Variants in ELOVL1 observed in about 807,000 individuals in gnomAD.
The protein encoded by ELOVL1 is very long chain fatty acid elongase 1.
A neutral mutation model predicts 37.8 loss-of-function variants in ELOVL1; 10 were observed. The observed-to-expected ratio is 0.26, with a 90% CI of 0.16 to 0.45. The LOEUF is 0.45. Among genes scored for constraint, ELOVL1 ranks in the 20% least tolerant of loss-of-function variants. The probability of loss-of-function intolerance (pLI) is 1.00; values close to 1 mark genes in which losing one functional copy is unlikely to be tolerated. For synonymous variants in ELOVL1, 133 were observed against 123.8 expected (o/e 1.07, Z -0.49); for missense variants, 256 against 352.7 (o/e 0.73, Z 2.20).
At chr1:43,367,639 G>C (rs1415287412) in intron 1 of ELOVL1, 1 of 152,484 alleles carries the variant, frequency 6.6e-6, no homozygotes, top group African/African-American at 2.4e-5. Context: ...TAGGGTAGCG[G>C]GGGGAGGGAG....
chr1:43,363,824 G>T lies in ELOVL1; in HGVS notation c.*92C>A. ...CTCAGTCCTGACCACATAAGCCTTG[G>T]TCACAGGTGTAGGTGGAGAGGGCAC... is the stretch of plus-strand genomic sequence containing the variant. On this transcript the variant is annotated 3_prime_UTR_variant, in exon 8 of 8. Coordinates refer to ENST00000372458, the MANE Select transcript of ELOVL1 (RefSeq NM_022821.4). 8.3e-7 allele frequency: 1 copy of T among 1,205,608 alleles called. No individual in the cohort carries two copies. Among genetic ancestry groups the T allele is most frequent in the Non-Finnish European group, 1.2e-6 (1 of 825,074 alleles). 74.7% of individuals were successfully genotyped at this position (1,205,608 alleles called of 1,614,324 possible).
Position 43,363,934 on chromosome 1 carries a change from G to C in ELOVL1, c.822C>G (p.Ala274=). The change falls in exon 8 of 8, where the codon GCC becomes GCG. Residue 274 remains alanine (A), a synonymous_variant. Transcript: ENST00000372458. ...ATGCTTCTCAGTTGGCCTTGACCTTGGCAATACCTGGAGCTCCATTTTGCT... is the reference window on the plus strand; with the variant it reads ...ATGCTTCTCAGTTGGCCTTGACCTTCGCAATACCTGGAGCTCCATTTTGCT... ...ALQQNGAPGI[A]KVKAN is the part of the protein sequence containing the mutation. 2 of 1,613,494 alleles carry C rather than the reference G, an allele frequency of 1.2e-6. No homozygotes were observed. Among genetic ancestry groups the C allele is most frequent in the Non-Finnish European group, 1.7e-6 (2 of 1,180,046 alleles).
Position 43,364,660 on chromosome 1 carries a change from T to G in ELOVL1, c.376-13A>C, listed in dbSNP as rs777075518. 1 of 1,613,696 alleles carries G rather than the reference T, an allele frequency of 6.2e-7. No homozygotes were observed. ...GAATAAAGATCACCTGAGAGAAGAGTGAGGGAAGGGGATTCAGAACCTGGG... is the reference window on the plus strand; with the variant it reads ...GAATAAAGATCACCTGAGAGAAGAGGGAGGGAAGGGGATTCAGAACCTGGG... On this transcript the variant is annotated splice_polypyrimidine_tract_variant and intron_variant, in intron 5 of 7. Coordinates refer to ENST00000372458, the MANE Select transcript of ELOVL1 (RefSeq NM_022821.4). This position sits in a 1 kb window ranked among gnomAD's most constrained non-coding sequence, Gnocchi z 5.2.
intron 1 of ELOVL1, among the ~76,000 whole-genome samples, chr1:43,366,078 C>G (rs1037384497): frequency 3.9e-5 from 6 of 151,970 alleles, no homozygotes; most frequent in African/African-American, 1.5e-4. Context: ...CCTCTCCTGC[C>G]CTCTCCTCTT....
intron 2 of ELOVL1, 67 bp from the exon 3 acceptor site, chr1:43,365,443 T>C: frequency 6.2e-7 from 1 of 1,609,848 alleles, no homozygotes. Flanking sequence ...TTGAAGGGTC[T>C]ACAGACATGA....
rs1220053521 is a variant in ELOVL1, at chr1:43,364,884, A to G, written c.318+44T>C. The G allele has an allele frequency of 1.2e-6, 2 of 1,613,844 alleles. No individual in the cohort carries two copies. Among genetic ancestry groups the G allele is most frequent in the Non-Finnish European group, 8.5e-7 (1 of 1,179,868 alleles). On this transcript the variant is annotated intron_variant, in intron 4 of 7. Transcript: ENST00000372458. This position sits in a 1 kb window ranked among gnomAD's most constrained non-coding sequence, Gnocchi z 5.2. ...CTTGAGCACAGGCCCCAAACTGGTC[A>G]TATCTACCAGGTTGCTTATGACCTA...
Position 43,365,323 on chromosome 1 carries a change from T to C in ELOVL1, c.100A>G (p.Ile34Val), listed in dbSNP as rs750748004. 1 of 1,613,770 alleles carries C rather than the reference T, an allele frequency of 6.2e-7. No individual in the cohort carries two copies. The highest frequency in any genetic ancestry group is 2.2e-5 in the East Asian group (1 of 44,862). Residue 34 changes from isoleucine to valine, a missense_variant, in exon 3 of 8, where the codon ATT becomes GTT. Around this residue, in one of 3 missense-constraint regions of ELOVL1, gnomAD observed 158 missense variants for 189.4 expected, o/e 0.83. Transcript: ENST00000372458. ...LMGSPLLMTS[I>V]LLTYVYFVLS... is the part of the protein sequence containing the mutation. ...ACGAAGTACACGTAGGTCAGGAGAA[T>C]GGAGGTCATTAGCAAGGGGGACCCC...
Position 43,365,337 on chromosome 1 carries a change from A to G in ELOVL1, c.86T>C (p.Leu29Ser), listed in dbSNP as rs1647214173. Residue 29 changes from leucine to serine, a missense_variant, in exon 3 of 8, where the codon TTG becomes TCG. Leu to Ser is a moderately radical substitution (Grantham distance 145, BLOSUM62 -2). This residue lies in a region of ELOVL1 where 158 missense variants were observed against 189.4 expected (regional missense o/e 0.83). Coordinates refer to ENST00000372458, the MANE Select transcript of ELOVL1 (RefSeq NM_022821.4). ...GGTCAGGAGAATGGAGGTCATTAGC[A>G]AGGGGGACCCCATCAGAGGGTAGCC... is the stretch of plus-strand genomic sequence containing the variant. ...IQGYPLMGSP[L>S]LMTSILLTYV... 6.2e-7 allele frequency: 1 copy of G among 1,613,474 alleles called. No homozygotes were observed. The highest frequency in any genetic ancestry group is 1.3e-5 in the African/African-American group (1 of 74,894).
rs377743446 is a variant in ELOVL1, at chr1:43,364,883, C to A, written c.318+45G>T. The A allele has an allele frequency of 4.3e-6, 7 of 1,613,832 alleles. No homozygotes were observed. In the South Asian group the frequency reaches 5.5e-5, roughly 13 times the overall value. On this transcript the variant is annotated intron_variant, in intron 4 of 7. Coordinates refer to ENST00000372458, the MANE Select transcript of ELOVL1 (RefSeq NM_022821.4). The surrounding 1 kb of genome is among the most constrained non-coding windows in gnomAD (Gnocchi z 5.2). Reference sequence around the variant, plus strand: ...CCTTGAGCACAGGCCCCAAACTGGTCATATCTACCAGGTTGCTTATGACCT... The same window carrying A: ...CCTTGAGCACAGGCCCCAAACTGGTAATATCTACCAGGTTGCTTATGACCT...
intron 1 of ELOVL1, chr1:43,367,456 A>G (rs1570491533): frequency 6.6e-6 from 1 of 152,404 alleles, no homozygotes; most frequent in East Asian, 1.9e-4. Context: ...TTATCTCTCA[A>G]CCACCAGCCC....
At position 43,364,418 on chromosome 1, in the gene ELOVL1, T is replaced by C. The variant is rs571173066; in HGVS notation, c.524A>G (p.His175Arg). The C allele has an allele frequency of 1.2e-6, 2 of 1,614,144 alleles. No homozygotes were observed. The highest frequency in any genetic ancestry group is 1.3e-5 in the African/African-American group (1 of 75,038). The stretch of plus-strand genomic sequence containing the variant: ...TCCGTAGTACAGGTACATTATGACA[T>C]GCACGGAAGAGTTTATCATGGCATG... ...SFHAMINSSV[H>R]VIMYLYYGLS... Residue 175 changes from histidine (H) to arginine (R), a missense_variant, in exon 7 of 8, where the codon CAT becomes CGT. Around this residue, in one of 3 missense-constraint regions of ELOVL1, gnomAD observed 39 missense variants for 89.9 expected, o/e 0.43. Transcript: ENST00000372458. The surrounding 1 kb of genome is among the most constrained non-coding windows in gnomAD (Gnocchi z 5.2).
intron 2 of ELOVL1, 73 bp downstream of exon 2, chr1:43,365,491 C>G (rs1647217579): frequency 6.2e-7 from 1 of 1,612,524 alleles, no homozygotes; most frequent in African/African-American, 1.3e-5. Context: ...TAGGAACTCT[C>G]CATTAGAAGA....
At position 43,364,399 on chromosome 1, in the gene ELOVL1, G is replaced by A. The variant is rs1402721439; in HGVS notation, c.543C>T (p.Tyr181=). 1 of 1,614,184 alleles carries A rather than the reference G, an allele frequency of 6.2e-7. No individual in the cohort carries two copies. The highest frequency in any genetic ancestry group is 1.7e-5 in the Admixed American group (1 of 60,016). ...NSSVHVIMYL[Y]YGLSAFGPVA... ...CAGGGCCAAAGGCAGATAATCCGTA[G>A]TACAGGTACATTATGACATGCACGG... Residue 181 remains tyrosine (Y), a synonymous_variant, in exon 7 of 8, where the codon TAC becomes TAT. Transcript: ENST00000372458. The surrounding 1 kb of genome is among the most constrained non-coding windows in gnomAD (Gnocchi z 5.2).
In ELOVL1 at chr1:43,364,758, A is replaced by C; in HGVS notation, c.355T>G (p.Phe119Val). 6.2e-7 allele frequency: 1 copy of C among 1,614,206 alleles called. No homozygotes were observed. Among genetic ancestry groups the C allele is most frequent in the Non-Finnish European group, 8.5e-7 (1 of 1,180,036 alleles). ...CTCACTGTGTCCATCAGCTCAATGA[A>C]CTTGGAGAAGAGGAAGAGCCAGGCC... Reference protein sequence around the residue: ...RVAWLFLFSKFIELMDTVIFI... With the variant: ...RVAWLFLFSKVIELMDTVIFI... The change falls in exon 5 of 8, where the codon TTC (phenylalanine) becomes GTC (valine). Residue 119 changes from phenylalanine (F) to valine (V), a missense_variant. Phe to Val is a conservative substitution (Grantham distance 50). Around this residue, in one of 3 missense-constraint regions of ELOVL1, gnomAD observed 158 missense variants for 189.4 expected, o/e 0.83. Transcript: ENST00000372458. The surrounding 1 kb of genome is among the most constrained non-coding windows in gnomAD (Gnocchi z 5.2).
rs933884186 is a variant in ELOVL1, at chr1:43,364,706, C to T, written c.375+32G>A. 6.2e-7 allele frequency: 1 copy of T among 1,614,156 alleles called. No homozygotes were observed. The highest frequency in any genetic ancestry group is 1.1e-5 in the South Asian group (1 of 91,080). ...CTGGGCTTCTCCACCTCATTCTCCC[C>T]TCAAGTTCTCACATCTCATATAACT... is the stretch of plus-strand genomic sequence containing the variant. On this transcript the variant is annotated intron_variant, in intron 5 of 7. Coordinates refer to ENST00000372458, the MANE Select transcript of ELOVL1 (RefSeq NM_022821.4). The surrounding 1 kb of genome is among the most constrained non-coding windows in gnomAD (Gnocchi z 5.2).
rs763982485 is a variant in ELOVL1, at chr1:43,364,896, T to C, written c.318+32A>G. 5 of 1,613,798 alleles carry C rather than the reference T, an allele frequency of 3.1e-6. No individual in the cohort carries two copies. In the African/African-American group the frequency reaches 6.7e-5, roughly 22 times the overall value. ...CCCCAAACTGGTCATATCTACCAGG[T>C]TGCTTATGACCTAGCCCCAGCCCCT... On this transcript the variant is annotated intron_variant, in intron 4 of 7. Transcript: ENST00000372458. The surrounding 1 kb of genome is among the most constrained non-coding windows in gnomAD (Gnocchi z 5.2).
chr1:43,365,029 G>T, intron 3 of ELOVL1, 21 bp from the exon 4 acceptor site: 1 of 1,608,794 alleles, frequency 6.2e-7, no homozygotes, highest in South Asian at 1.1e-5. Context: ...ATGTGGATTA[G>T]ACCACCAGAG....
Position 43,364,509 on chromosome 1 carries a change from C to G in ELOVL1, c.481+33G>C, listed in dbSNP as rs988438940. The G allele has an allele frequency of 6.2e-7, 1 of 1,613,908 alleles. No homozygotes were observed. Among genetic ancestry groups the G allele is most frequent in the African/African-American group, 1.3e-5 (1 of 74,890 alleles). On this transcript the variant is annotated intron_variant, in intron 6 of 7. Transcript: ENST00000372458. The surrounding 1 kb of genome is among the most constrained non-coding windows in gnomAD (Gnocchi z 5.2). ...GTCAGCAGAGTCCAGCCTCTGGTGC[C>G]CACCCTTTCCCATAGTGGCCTTCAC...
At position 43,363,717 on chromosome 1, in the gene ELOVL1, G is replaced by A; in HGVS notation, c.*199C>T. On this transcript the variant is annotated 3_prime_UTR_variant, in exon 8 of 8. Coordinates refer to ENST00000372458, the MANE Select transcript of ELOVL1 (RefSeq NM_022821.4). The stretch of plus-strand genomic sequence containing the variant: ...AGACAGCAATGAGGCCACATCCCTG[G>A]AGCTGCCCGGGGGAAGTGGGTGAGG... 2 of 594,354 alleles carry A rather than the reference G, an allele frequency of 3.4e-6. No individual in the cohort carries two copies. Among genetic ancestry groups the A allele is most frequent in the South Asian group, 4.0e-5 (2 of 50,148 alleles). The allele number at this position is 594,354 out of a possible 1,614,324, so 36.8% of individuals were successfully genotyped here.
Sources: allele counts gnomAD v4.1 joint callset (sites outside exome capture counted in the v4.1 genomes callset), GRCh38; gene constraint gnomAD v4.1.1; regional missense constraint gnomAD v4.1.1; non-coding constraint Gnocchi (gnomAD v3.1); transcripts MANE v1.5; gene names NCBI Gene and HGNC (gene_info 2026-07-23, HGNC 2026-07-21).